The following RNGTT variants were observed in gnomAD, a reference collection of about 807,000 sequenced individuals.
RNGTT encodes the protein RNA guanylyltransferase and 5'-phosphatase.
Under a neutral mutation model 79.3 loss-of-function variants are expected in RNGTT, and 33 were observed. The ratio of observed to expected loss-of-function variants is 0.42; its 90% CI spans 0.32 to 0.56. The LOEUF (loss-of-function observed/expected upper bound fraction) is 0.56, where lower values mean the gene tolerates loss of function less well. Ranked by LOEUF, RNGTT falls within the 20% of genes least tolerant of loss-of-function variation. The pLI, the probability that RNGTT is intolerant of heterozygous loss-of-function variation, is 0.17. For synonymous variants in RNGTT, 222 were observed against 235.9 expected (o/e 0.94, Z 0.54); for missense variants, 497 against 739.1 (o/e 0.67, Z 3.80).
At chr6:88,759,020 TG>T (rs1284416380) in intron 13 of RNGTT, among the ~76,000 whole-genome samples, 1 of 152,090 alleles carries the variant, frequency 6.6e-6, no homozygotes, top group East Asian at 1.9e-4. Flanking sequence ...ATCTTTACTA[TG>T]GTGGTGGCAA....
chr6:88,723,563 C>T (rs1015616534), intron 13 of RNGTT, among the ~76,000 whole-genome samples: 6 of 151,950 alleles, frequency 3.9e-5, no homozygotes, highest in Admixed American at 3.3e-4. Context: ...GTGTCACCAG[C>T]CCCAGATAGT....
At chr6:88,727,383 T>A (rs554130185) in intron 13 of RNGTT, among the ~76,000 whole-genome samples, 2 of 152,348 alleles carry the variant, frequency 1.3e-5, no homozygotes, top group South Asian at 4.1e-4. Context: ...GTGAAGGTAA[T>A]TCTGTGTGTA....
intron 13 of RNGTT, among the ~76,000 whole-genome samples, chr6:88,717,581 G>A (rs1162521477): frequency 6.6e-6 from 1 of 152,118 alleles, no homozygotes; most frequent in Admixed American, 6.6e-5. Flanking sequence ...AGGATCCAAG[G>A]AACAAAATGA....
At chr6:88,897,786 C>T (rs370685079) in intron 6 of RNGTT, among the ~76,000 whole-genome samples, 3 of 152,242 alleles carry the variant, frequency 2.0e-5, no homozygotes. Flanking sequence ...ACAGTTTATG[C>T]TGAATAAATT....
intron 11 of RNGTT, among the ~76,000 whole-genome samples, chr6:88,831,860 T>C (rs1044897587): frequency 2.6e-5 from 4 of 151,964 alleles, no homozygotes; most frequent in African/African-American, 9.7e-5. Context: ...GAGAATAAAA[T>C]ACCTAGGAAT....
chr6:88,614,515 C>T, intron 14 of RNGTT, 120 bp from the exon 15 acceptor site: 3 of 920,006 alleles, frequency 3.3e-6, no homozygotes, highest in Non-Finnish European at 5.0e-6. Context: ...ATGCAGAGAG[C>T]TCTTTGTCAT....
chr6:88,855,541 G>A (rs1188130713), intron 8 of RNGTT, among the ~76,000 whole-genome samples: 1 of 151,692 alleles, frequency 6.6e-6, no homozygotes, highest in East Asian at 1.9e-4. Flanking sequence ...AGGAAAAAAG[G>A]CAACATAATA....
intron 13 of RNGTT, among the ~76,000 whole-genome samples, chr6:88,698,818 G>A (rs192985016): frequency 6.6e-6 from 1 of 152,188 alleles, no homozygotes; most frequent in African/African-American, 2.4e-5. Flanking sequence ...TTCAACCTCC[G>A]TAGCATGACT....
At chr6:88,960,844 A>G (rs1181685466) in intron 1 of RNGTT, among the ~76,000 whole-genome samples, 1 of 152,244 alleles carries the variant, frequency 6.6e-6, no homozygotes, top group Non-Finnish European at 1.5e-5. Context: ...TTCTAGTACT[A>G]GTAAAGTGAA....
intron 14 of RNGTT, among the ~76,000 whole-genome samples, chr6:88,664,563 T>A (rs1343592710): frequency 6.6e-6 from 1 of 151,564 alleles, no homozygotes; most frequent in Non-Finnish European, 1.5e-5. Flanking sequence ...ATTAGAGGGG[T>A]CCCCCTGAAA....
At chr6:88,894,558 G>A (rs1582593662) in intron 6 of RNGTT, among the ~76,000 whole-genome samples, 2 of 152,212 alleles carry the variant, frequency 1.3e-5, no homozygotes, top group South Asian at 2.1e-4. Context: ...TGGCACAGCC[G>A]GCATGCCTTG....
At chr6:88,835,600 T>G (rs1781038831) in intron 11 of RNGTT, among the ~76,000 whole-genome samples, 1 of 152,110 alleles carries the variant, frequency 6.6e-6, no homozygotes, top group African/African-American at 2.4e-5. Flanking sequence ...ACCTATTCCC[T>G]GAAAATAAGG....
chr6:88,888,507 G>A (rs1345425792), intron 8 of RNGTT, among the ~76,000 whole-genome samples: 3 of 152,122 alleles, frequency 2.0e-5, no homozygotes, highest in African/African-American at 7.2e-5. Flanking sequence ...TGCAGAATGG[G>A]TAAATGATCC....
At chr6:88,744,469 C>T (rs1432713125) in intron 13 of RNGTT, among the ~76,000 whole-genome samples, 3 of 152,052 alleles carry the variant, frequency 2.0e-5, no homozygotes, top group Admixed American at 6.6e-5. Context: ...ACCATGTTGG[C>T]CAAGATATTC....
chr6:88,820,603 C>G (rs903683019), intron 11 of RNGTT, among the ~76,000 whole-genome samples: 1 of 152,166 alleles, frequency 6.6e-6, no homozygotes, highest in Non-Finnish European at 1.5e-5. Flanking sequence ...ATATATAAAA[C>G]TCAATCACTT....
Position 88,879,261 on chromosome 6 carries a change from G to C in RNGTT, c.896+11234C>G, listed in dbSNP as rs1782618783. ...ATGCAAAAAATAGACAGGTGTGGTG[G>C]CATGCGCCTGTAGTCCCAGCTACTC... On this transcript the variant is annotated intron_variant, in intron 8 of 15. Transcript: ENST00000369485. Among the ~76,000 whole-genome samples, 4 of 152,140 alleles carry C rather than the reference G, an allele frequency of 2.6e-5. No homozygotes were observed. In the South Asian group the frequency reaches 8.3e-4, roughly 31 times the overall value.
chr6:88,715,900 G>C (rs1776493418), intron 13 of RNGTT, among the ~76,000 whole-genome samples: 1 of 152,112 alleles, frequency 6.6e-6, no homozygotes, highest in Non-Finnish European at 1.5e-5. Context: ...CAGGACATAG[G>C]CATGGGCAAG....
At chr6:88,665,897 T>C (rs1329010406) in intron 14 of RNGTT, among the ~76,000 whole-genome samples, 1 of 152,146 alleles carries the variant, frequency 6.6e-6, no homozygotes, top group Non-Finnish European at 1.5e-5. Flanking sequence ...GGGTATAAGG[T>C]GTCCAAGAAG....
At chr6:88,797,536 C>G (rs1325879831) in intron 12 of RNGTT, among the ~76,000 whole-genome samples, 1 of 151,940 alleles carries the variant, frequency 6.6e-6, no homozygotes, top group Non-Finnish European at 1.5e-5. Context: ...GAAAGAATGC[C>G]TTCAAATGAA....
Sources: gnomAD v4.1 joint callset for allele counts (sites outside exome capture counted in the v4.1 genomes callset) on GRCh38, gnomAD v4.1.1 for gene constraint, MANE v1.5 for transcripts, NCBI Gene and HGNC (gene_info 2026-07-23, HGNC 2026-07-21) for gene names.